Variants in AGBL1 observed in about 807,000 individuals in gnomAD.
AGBL1 encodes the protein AGBL carboxypeptidase 1, also known as cytosolic carboxypeptidase 4.
AGBL1 carries 130 observed loss-of-function variants against 118.9 expected under a neutral mutation model. That is an observed-to-expected ratio of 1.09 (90% CI 0.95 to 1.26). AGBL1 has a LOEUF of 1.26. AGBL1 is among the 50% of genes most tolerant of loss of function. The pLI, the probability that AGBL1 is intolerant of heterozygous loss-of-function variation, is 0.00. For synonymous variants in AGBL1, 555 were observed against 478.9 expected (o/e 1.16, Z -2.08); for missense variants, 1,584 against 1,298.1 (o/e 1.22, Z -3.38).
chr15:86,918,312 G>A (rs967910914), downstream of AGBL1, among the ~76,000 whole-genome samples: 1 of 152,124 alleles, frequency 6.6e-6, no homozygotes, highest in Non-Finnish European at 1.5e-5. Context: ...GTGGTTAGTG[G>A]AGAGGCTGCA....
At chr15:86,188,149 G>C (rs934491825) in intron 5 of AGBL1, among the ~76,000 whole-genome samples, 1 of 152,148 alleles carries the variant, frequency 6.6e-6, no homozygotes, top group African/African-American at 2.4e-5. Context: ...TGAAACTGAG[G>C]AAGTTACATT....
intron 24 of AGBL1, among the ~76,000 whole-genome samples, chr15:87,022,798 C>T (rs577735240): frequency 2.0e-5 from 3 of 152,136 alleles, no homozygotes; most frequent in East Asian, 1.9e-4. Context: ...GATTGGGGCC[C>T]TATTTTCAGC....
chr15:86,699,076 A>G (rs187744226), intron 22 of AGBL1, among the ~76,000 whole-genome samples: 2 of 152,126 alleles, frequency 1.3e-5, no homozygotes, highest in East Asian at 1.9e-4. Flanking sequence ...AGTATTCTCA[A>G]TCTCAGGTAA....
At chr15:86,248,804 T>C (rs146586231) in intron 7 of AGBL1, among the ~76,000 whole-genome samples, 317 of 152,222 alleles carry the variant, frequency 2.1e-3, no homozygotes, top group Non-Finnish European at 3.8e-3. Flanking sequence ...CACTGTGAAA[T>C]CAATGAAGTA....
intron 21 of AGBL1, among the ~76,000 whole-genome samples, chr15:86,660,521 C>A (rs1434012574): frequency 6.6e-6 from 1 of 151,988 alleles, no homozygotes; most frequent in African/African-American, 2.4e-5. Context: ...CAATCTTTTC[C>A]CCTTAAAGTT....
At chr15:86,201,427 T>A (rs1054209752) in intron 5 of AGBL1, among the ~76,000 whole-genome samples, 4 of 152,206 alleles carry the variant, frequency 2.6e-5, no homozygotes, top group Admixed American at 1.3e-4. Flanking sequence ...AAGCACAGTG[T>A]CCTGAAGCCA....
chr15:86,550,316 C>G (rs2083647044), intron 20 of AGBL1, among the ~76,000 whole-genome samples: 1 of 152,064 alleles, frequency 6.6e-6, no homozygotes, highest in Admixed American at 6.6e-5. Context: ...CGAACAAACC[C>G]TCATTCCAAA....
At chr15:86,603,022 A>G (rs2084519891) in intron 21 of AGBL1, among the ~76,000 whole-genome samples, 1 of 152,142 alleles carries the variant, frequency 6.6e-6, no homozygotes, top group Non-Finnish European at 1.5e-5. Flanking sequence ...CCCCATGCCA[A>G]ATGGTTCAAT....
At chr15:86,492,229 G>C (rs2082790172) in intron 18 of AGBL1, among the ~76,000 whole-genome samples, 3 of 152,144 alleles carry the variant, frequency 2.0e-5, no homozygotes, top group African/African-American at 7.2e-5. Context: ...CATCTGTAAG[G>C]TGATTGAGAC....
chr15:86,892,930 T>A (rs1050376627), intron 22 of AGBL1, among the ~76,000 whole-genome samples: 9 of 152,148 alleles, frequency 5.9e-5, no homozygotes, highest in African/African-American at 1.7e-4. Context: ...TCTGTAAGTG[T>A]GGATGAGTTG....
chr15:86,463,207 T>TA (rs1375217688), intron 18 of AGBL1, among the ~76,000 whole-genome samples: 1 of 152,162 alleles, frequency 6.6e-6, no homozygotes, highest in African/African-American at 2.4e-5. Flanking sequence ...GAGCATTTTT[T>TA]ATGTGCTTTT....
chr15:86,631,951 G>T (rs1238262092), intron 21 of AGBL1, among the ~76,000 whole-genome samples: 3 of 151,890 alleles, frequency 2.0e-5, no homozygotes, highest in Non-Finnish European at 4.4e-5. Flanking sequence ...CACTTTGAGA[G>T]GCCCGAGGCA....
At chr15:86,824,646 A>T (rs2078983273) in intron 22 of AGBL1, among the ~76,000 whole-genome samples, 1 of 152,158 alleles carries the variant, frequency 6.6e-6, no homozygotes, top group South Asian at 2.1e-4. Context: ...TGACCAAAAA[A>T]TATAGTGAGA....
At chr15:86,580,764 C>T (rs963916778) in intron 21 of AGBL1, among the ~76,000 whole-genome samples, 1 of 152,106 alleles carries the variant, frequency 6.6e-6, no homozygotes, top group Non-Finnish European at 1.5e-5. Flanking sequence ...TTTTTGTTAA[C>T]TATATTCACC....
chr15:86,777,219 A>G (rs2078269927), intron 22 of AGBL1, among the ~76,000 whole-genome samples: 1 of 151,930 alleles, frequency 6.6e-6, no homozygotes, highest in African/African-American at 2.4e-5. Flanking sequence ...TTTCCATGTT[A>G]TGTTCCCTTG....
In AGBL1 at chr15:86,397,499, C is replaced by G. The variant is rs1161425191; in HGVS notation, c.2508C>G (p.Ile836Met). 6.2e-7 allele frequency: 1 copy of G among 1,612,918 alleles called. No individual in the cohort carries two copies. The highest frequency in any genetic ancestry group is 8.5e-7 in the Non-Finnish European group (1 of 1,179,378). ...CTAGGCTCTTGAGGGAAAACTTCAT[C>G]TTCAAGATCATACCCATGCTCAACC... ...PVARLLRENF[I>M]FKIIPMLNPD... Residue 836 changes from isoleucine to methionine, a missense_variant, in exon 18 of 23, where the codon ATC becomes ATG. Physicochemically the swap from Ile to Met is conservative, Grantham distance 10. Coordinates refer to ENST00000614907, the MANE Select transcript of AGBL1 (RefSeq NM_001386094.1).
chr15:86,345,218 CT>C (rs534279834), intron 17 of AGBL1, among the ~76,000 whole-genome samples: 106 of 144,558 alleles, frequency 7.3e-4, no homozygotes, highest in East Asian at 2.6e-3. Context: ...TTAGACAAGA[CT>C]TTTTTTTTTT....
intron 17 of AGBL1, among the ~76,000 whole-genome samples, chr15:86,367,936 T>G (rs936864048): frequency 8.5e-5 from 13 of 152,210 alleles, no homozygotes; most frequent in Non-Finnish European, 1.9e-4. Context: ...AGCATTTTAC[T>G]CCTAGGCTAT....
chr15:87,005,714 C>A lies in AGBL1; in HGVS notation c.3323+17626C>A, dbSNP rs567087015. 2.0e-5 allele frequency among the ~76,000 whole-genome samples: 3 copies of A among 152,262 alleles called. No individual in the cohort carries two copies. The East Asian group carries it at 5.8e-4, about 29-fold the overall frequency. Reference sequence around the variant, plus strand: ...TTGTCAAAGTCATTCTCTCTCTGTCCAGCTTTGTTTCGTTGCTGGTGAGGA... The same window carrying A: ...TTGTCAAAGTCATTCTCTCTCTGTCAAGCTTTGTTTCGTTGCTGGTGAGGA... On this transcript the variant is annotated intron_variant, in intron 24 of 24. Coordinates refer to the AGBL1 transcript ENST00000441037.
Sources: allele counts gnomAD v4.1 joint callset (sites outside exome capture counted in the v4.1 genomes callset), GRCh38; gene constraint gnomAD v4.1.1; transcripts MANE v1.5; gene names NCBI Gene and HGNC (gene_info 2026-07-23, HGNC 2026-07-21).